The following GRIN2A variants were observed in gnomAD, a reference collection of about 807,000 sequenced individuals.
GRIN2A encodes glutamate ionotropic receptor NMDA type subunit 2A, also known as glutamate receptor ionotropic, NMDA 2A.
Under a neutral mutation model 113.4 loss-of-function variants are expected in GRIN2A, and 22 were observed. The observed-to-expected ratio is 0.19, with a 90% CI of 0.14 to 0.28. The LOEUF is 0.28. Among genes scored for constraint, GRIN2A ranks in the 10% least tolerant of loss-of-function variants. The probability of loss-of-function intolerance (pLI) is 1.00; values close to 1 mark genes in which losing one functional copy is unlikely to be tolerated. For synonymous variants in GRIN2A, 827 were observed against 738.4 expected (o/e 1.12, Z -1.94); for missense variants, 1,502 against 1,887.0 (o/e 0.80, Z 3.78).
intron 4 of GRIN2A, among the ~76,000 whole-genome samples, chr16:9,883,994 G>A (rs1377555222): frequency 1.3e-5 from 2 of 152,058 alleles, no homozygotes; most frequent in South Asian, 2.1e-4. Context: ...ATATTTATGT[G>A]TTTTGTCCTA....
At chr16:10,048,735 C>T (rs956532520) in intron 2 of GRIN2A, among the ~76,000 whole-genome samples, 11 of 142,410 alleles carry the variant, frequency 7.7e-5, no homozygotes, top group African/African-American at 3.0e-4. Flanking sequence ...CAGTAATACC[C>T]CACACTTGGC....
intron 5 of GRIN2A, among the ~76,000 whole-genome samples, chr16:9,845,568 C>T (rs776161145): frequency 5.3e-5 from 8 of 152,158 alleles, no homozygotes; most frequent in Non-Finnish European, 8.8e-5. Flanking sequence ...AACTTTCCCA[C>T]ATCATCCCCT....
intron 11 of GRIN2A, among the ~76,000 whole-genome samples, chr16:9,786,131 A>T (rs1389817381): frequency 6.6e-6 from 1 of 152,220 alleles, no homozygotes; most frequent in Non-Finnish European, 1.5e-5. Flanking sequence ...TTTAGCAAGG[A>T]ACAATAACTT....
chr16:9,787,020 T>G (rs1211437007), intron 11 of GRIN2A, among the ~76,000 whole-genome samples: 3 of 152,124 alleles, frequency 2.0e-5, no homozygotes, highest in Non-Finnish European at 2.9e-5. Flanking sequence ...TGGCAGAACA[T>G]CACATGACAG....
chr16:10,059,127 T>C (rs1269922577), intron 2 of GRIN2A, among the ~76,000 whole-genome samples: 3 of 152,082 alleles, frequency 2.0e-5, no homozygotes, highest in Admixed American at 6.5e-5. Context: ...GGAGTGAACA[T>C]AGCAATAGGA....
At chr16:10,018,998 G>C (rs1476909181) in intron 2 of GRIN2A, among the ~76,000 whole-genome samples, 1 of 151,434 alleles carries the variant, frequency 6.6e-6, no homozygotes, top group Admixed American at 6.6e-5. Flanking sequence ...TATTTTTTTT[G>C]GAAAACGTGT....
At chr16:9,830,343 CT>C (rs2141315144) in intron 8 of GRIN2A, among the ~76,000 whole-genome samples, 1 of 152,222 alleles carries the variant, frequency 6.6e-6, no homozygotes, top group Admixed American at 6.5e-5. Context: ...CTATGCAGCC[CT>C]TTTAAGATTC....
chr16:9,831,520 C>CT (rs57684819), intron 8 of GRIN2A, among the ~76,000 whole-genome samples: 42,243 of 128,998 alleles, frequency 0.33, 7,219 homozygotes, highest in African/African-American at 0.36. Flanking sequence ...TTTTCTTTTT[C>CT]TTTTTTTTTT....
chr16:10,080,084 C>T (rs912884093), intron 2 of GRIN2A, among the ~76,000 whole-genome samples: 12 of 152,184 alleles, frequency 7.9e-5, no homozygotes, highest in Admixed American at 2.6e-4. Context: ...ACACCACATA[C>T]AGTAAGTGCT....
At chr16:10,024,497 C>T (rs914393416) in intron 2 of GRIN2A, among the ~76,000 whole-genome samples, 3 of 152,202 alleles carry the variant, frequency 2.0e-5, no homozygotes, top group South Asian at 2.1e-4. Context: ...GAATTACAGG[C>T]GTGAGCCAAC....
At chr16:9,987,397 T>G (rs1276827728) in intron 2 of GRIN2A, among the ~76,000 whole-genome samples, 1 of 152,226 alleles carries the variant, frequency 6.6e-6, no homozygotes, top group Non-Finnish European at 1.5e-5. Flanking sequence ...GCTAGAATAA[T>G]GTTGTTTTCT....
At chr16:9,928,486 G>T (rs934638055) in intron 3 of GRIN2A, among the ~76,000 whole-genome samples, 5 of 152,064 alleles carry the variant, frequency 3.3e-5, no homozygotes, top group Non-Finnish European at 5.9e-5. Context: ...ATCAGATGTT[G>T]CCCAAATCGT....
In GRIN2A at chr16:9,764,874, G is replaced by C. The variant is rs764394577; in HGVS notation, c.2670C>G (p.Ser890=). ...GGAGGAGTTTTAACATGTTGCTCTGGGATCCCGTCAGATTGAAGTCTGGAG... is the reference window on the plus strand; with the variant it reads ...GGAGGAGTTTTAACATGTTGCTCTGCGATCCCGTCAGATTGAAGTCTGGAG... ...KKSPDFNLTG[S]QSNMLKLLRS... Residue 890 remains serine, a synonymous_variant, in exon 13 of 13, where the codon TCC becomes TCG. Coordinates refer to ENST00000330684, the MANE Select transcript of GRIN2A (RefSeq NM_001134407.3). 6.2e-7 allele frequency: 1 copy of C among 1,614,112 alleles called. No homozygotes were observed. Among genetic ancestry groups the C allele is most frequent in the Non-Finnish European group, 8.5e-7 (1 of 1,180,008 alleles).
At chr16:10,094,638 CAG>C (rs1222804253) in intron 2 of GRIN2A, among the ~76,000 whole-genome samples, 1 of 151,970 alleles carries the variant, frequency 6.6e-6, no homozygotes, top group Non-Finnish European at 1.5e-5. Context: ...TTAGTAGAGA[CAG>C]GGTTTCACCA....
chr16:9,872,201 T>C (rs978426692), intron 4 of GRIN2A, among the ~76,000 whole-genome samples: 1 of 152,158 alleles, frequency 6.6e-6, no homozygotes, highest in African/African-American at 2.4e-5. Flanking sequence ...ATGACAGATT[T>C]CCAGAATTAG....
At chr16:10,152,518 C>T (rs746809540) in intron 2 of GRIN2A, among the ~76,000 whole-genome samples, 30 of 152,196 alleles carry the variant, frequency 2.0e-4, no homozygotes, top group Admixed American at 4.6e-4. Flanking sequence ...GTTTTCCCCC[C>T]AACCATCACT....
At chr16:10,159,560 G>T (rs993451061) in intron 2 of GRIN2A, among the ~76,000 whole-genome samples, 2 of 152,220 alleles carry the variant, frequency 1.3e-5, no homozygotes, top group Non-Finnish European at 2.9e-5. Flanking sequence ...CATCATCAAT[G>T]AGGCTGGAGT....
intron 11 of GRIN2A, among the ~76,000 whole-genome samples, chr16:9,785,381 T>C (rs1244519340): frequency 7.2e-6 from 1 of 139,782 alleles, no homozygotes; most frequent in Non-Finnish European, 1.5e-5. Flanking sequence ...TAGGTGGGAA[T>C]TGAACAATGA....
At chr16:9,929,177 C>T (rs1165528704) in intron 3 of GRIN2A, among the ~76,000 whole-genome samples, 1 of 152,212 alleles carries the variant, frequency 6.6e-6, no homozygotes, top group African/African-American at 2.4e-5. Flanking sequence ...AGACCTTGCC[C>T]AGTCGTAGGG....
Sources: allele counts gnomAD v4.1 joint callset (sites outside exome capture counted in the v4.1 genomes callset), GRCh38; gene constraint gnomAD v4.1.1; transcripts MANE v1.5; gene names NCBI Gene and HGNC (gene_info 2026-07-23, HGNC 2026-07-21).